The following PRKG1 variants were observed in gnomAD, a reference collection of about 807,000 sequenced individuals.
PRKG1 encodes cGMP-dependent protein kinase 1.
PRKG1 carries 35 observed loss-of-function variants against 88.1 expected under a neutral mutation model. The observed-to-expected ratio is 0.40, with a 90% CI of 0.30 to 0.53. The LOEUF is 0.53. Ranked by LOEUF, PRKG1 falls within the 20% of genes least tolerant of loss-of-function variation. The pLI is 0.59. For missense variants in PRKG1, 540 were observed against 839.8 expected (o/e 0.64, Z 4.41); for synonymous variants, 303 against 292.5 (o/e 1.04, Z -0.37).
At chr10:52,214,379 G>C (rs1055235267) in intron 9 of PRKG1, among the ~76,000 whole-genome samples, 1 of 152,122 alleles carries the variant, frequency 6.6e-6, no homozygotes, top group African/African-American at 2.4e-5. Flanking sequence ...CAGTATGCTG[G>C]TGTCATTTAG....
chr10:52,261,959 A>G (rs1564536467), intron 10 of PRKG1, among the ~76,000 whole-genome samples: 1 of 152,104 alleles, frequency 6.6e-6, no homozygotes, highest in Non-Finnish European at 1.5e-5. Flanking sequence ...TGGGCACTTT[A>G]GTTGGCCATG....
intron 3 of PRKG1, among the ~76,000 whole-genome samples, chr10:51,619,086 T>G (rs1227231941): frequency 6.6e-6 from 1 of 151,994 alleles, no homozygotes; most frequent in African/African-American, 2.4e-5. Context: ...CTAGGCATTT[T>G]AAATCATGTG....
chr10:52,294,836 C>G lies in PRKG1; in HGVS notation c.*936C>G, dbSNP rs1257337659. 6.6e-6 allele frequency: 1 copy of G among 152,106 alleles called. No homozygotes were observed. Among genetic ancestry groups the G allele is most frequent in the Non-Finnish European group, 1.5e-5 (1 of 67,898 alleles). 9.4% of individuals were successfully genotyped at this position (152,106 alleles called of 1,614,324 possible). On this transcript the variant is annotated 3_prime_UTR_variant, in exon 18 of 18. Coordinates refer to ENST00000373980, the MANE Select transcript of PRKG1 (RefSeq NM_006258.4). ...GGGTGGAGTGGGGAGGGATTAAAACCCATCCAAAAAATAAATAAAAACTAT... is the reference window on the plus strand; with the variant it reads ...GGGTGGAGTGGGGAGGGATTAAAACGCATCCAAAAAATAAATAAAAACTAT...
intron 7 of PRKG1, among the ~76,000 whole-genome samples, chr10:52,070,804 G>T (rs1846477360): frequency 6.6e-6 from 1 of 152,118 alleles, no homozygotes; most frequent in Non-Finnish European, 1.5e-5. Context: ...AGGTTCCAAT[G>T]ACTATTTTAT....
At chr10:51,391,841 C>T (rs1300676532) in intron 2 of PRKG1, among the ~76,000 whole-genome samples, 3 of 152,220 alleles carry the variant, frequency 2.0e-5, no homozygotes, top group African/African-American at 7.2e-5. Context: ...GTGTTTTCAA[C>T]AACCACTATA....
At chr10:52,098,823 A>G (rs75107916) in intron 7 of PRKG1, among the ~76,000 whole-genome samples, 1 of 152,264 alleles carries the variant, frequency 6.6e-6, no homozygotes, top group East Asian at 1.9e-4. Context: ...AGTGGTTATG[A>G]TGAGTGGGTG....
At chr10:52,053,829 C>T (rs1414792544) in intron 5 of PRKG1, among the ~76,000 whole-genome samples, 1 of 152,084 alleles carries the variant, frequency 6.6e-6, no homozygotes, top group East Asian at 1.9e-4. Flanking sequence ...TTTCACAGGG[C>T]CAAATCTAAA....
chr10:52,012,578 G>T (rs904067324), intron 5 of PRKG1, among the ~76,000 whole-genome samples: 1 of 151,802 alleles, frequency 6.6e-6, no homozygotes, highest in Admixed American at 6.6e-5. Flanking sequence ...GTAAATACAG[G>T]GTTTCACCAT....
At chr10:51,312,894 G>A (rs767363701) in intron 2 of PRKG1, among the ~76,000 whole-genome samples, 3 of 152,020 alleles carry the variant, frequency 2.0e-5, no homozygotes, top group Non-Finnish European at 4.4e-5. Context: ...GAGGCCATAC[G>A]GTGACATTTA....
intron 2 of PRKG1, chr10:51,320,753 G>A (rs1030291920): frequency 6.6e-6 from 1 of 152,160 alleles, no homozygotes; most frequent in Non-Finnish European, 1.5e-5. Flanking sequence ...ATGTGCGTGT[G>A]AAAAATAAAG....
chr10:51,538,941 C>A (rs2132108038), intron 3 of PRKG1, among the ~76,000 whole-genome samples: 1 of 151,936 alleles, frequency 6.6e-6, no homozygotes, highest in African/African-American at 2.4e-5. Context: ...TTTTCCATAA[C>A]CACTCCATCA....
In PRKG1 at chr10:51,412,798, C is replaced by T. The variant is rs145227982; in HGVS notation, c.479-54925C>T. Among the ~76,000 whole-genome samples the T allele has an allele frequency of 6.8e-3, 1,031 of 152,166 alleles. 12 individuals are homozygous for T. The highest frequency in any genetic ancestry group is 0.024 in the African/African-American group (988 of 41,510). ...GAAGAATGTCTGGTGTGTCCCAGTT[C>T]CCCTGTGCTGATTCAGTGGTGCATA... On this transcript the variant is annotated intron_variant, in intron 2 of 17. Coordinates refer to ENST00000373980, the MANE Select transcript of PRKG1 (RefSeq NM_006258.4).
intron 3 of PRKG1, among the ~76,000 whole-genome samples, chr10:51,571,632 A>G (rs1405711071): frequency 6.6e-6 from 1 of 151,902 alleles, no homozygotes; most frequent in East Asian, 1.9e-4. Context: ...CATGCTGAAA[A>G]TGAGAGAATA....
intron 2 of PRKG1, among the ~76,000 whole-genome samples, chr10:51,303,944 C>T (rs1840964118): frequency 6.6e-6 from 1 of 151,950 alleles, no homozygotes; most frequent in South Asian, 2.1e-4. Flanking sequence ...CTCGGCCTCC[C>T]AAATAGCTGG....
intron 1 of PRKG1, among the ~76,000 whole-genome samples, chr10:51,002,572 G>T (rs898938504): frequency 5.9e-5 from 9 of 152,108 alleles, no homozygotes; most frequent in Non-Finnish European, 1.3e-4. Context: ...TACATTGTGG[G>T]TTGGGTCTAA....
intron 4 of PRKG1, among the ~76,000 whole-genome samples, chr10:51,865,077 CATTCTCAG>C (rs1437639307): frequency 1.3e-5 from 2 of 152,088 alleles, no homozygotes; most frequent in African/African-American, 4.8e-5. Context: ...GAGGATTTCA[CATTCTCAG>C]AGAAATTTAT....
intron 4 of PRKG1, among the ~76,000 whole-genome samples, chr10:51,827,448 T>C (rs1377925513): frequency 6.6e-6 from 1 of 152,146 alleles, no homozygotes; most frequent in Non-Finnish European, 1.5e-5. Flanking sequence ...AATGTATAAT[T>C]GTCTTCTTTG....
At chr10:51,850,406 A>G (rs1171667042) in intron 4 of PRKG1, among the ~76,000 whole-genome samples, 1 of 152,036 alleles carries the variant, frequency 6.6e-6, no homozygotes, top group Non-Finnish European at 1.5e-5. Flanking sequence ...CAAATTCCTG[A>G]CCTCAGATGA....
At chr10:51,766,161 GA>G (rs1838156622) in intron 3 of PRKG1, among the ~76,000 whole-genome samples, 1 of 152,048 alleles carries the variant, frequency 6.6e-6, no homozygotes, top group Non-Finnish European at 1.5e-5. Context: ...TTTAATAAGT[GA>G]AAAAAGAAAG....
Sources: allele counts gnomAD v4.1 joint callset (sites outside exome capture counted in the v4.1 genomes callset), GRCh38; gene constraint gnomAD v4.1.1; transcripts MANE v1.5; gene names NCBI Gene and HGNC (gene_info 2026-07-23, HGNC 2026-07-21).